RASA3: variants seen among roughly 807,000 people sequenced by gnomAD.
RASA3 encodes ras GTPase-activating protein 3.
A neutral mutation model predicts 110.0 loss-of-function variants in RASA3; 73 were observed. The observed-to-expected ratio is 0.66, with a 90% CI of 0.55 to 0.81. RASA3 has a LOEUF of 0.81. RASA3 is among the 30% of genes least tolerant of loss of function. RASA3 has a pLI of 0.00. For missense variants in RASA3, 976 were observed against 1,113.2 expected (o/e 0.88, Z 1.75); for synonymous variants, 500 against 451.4 (o/e 1.11, Z -1.37).
rs749593261 is a variant in RASA3 at position 113,979,333 on chromosome 13, G to A, written c.*14C>T. The A allele has an allele frequency of 2.5e-5, 39 of 1,572,008 alleles. No homozygotes were observed. The African/African-American group carries it at 3.9e-4, about 16-fold the overall frequency. ...GGGCAGCTTGCTGGCGCCACTGGGC[G>A]CGTCCCGCAGACTTTAAATGGAATG... On this transcript the variant is annotated 3_prime_UTR_variant, in exon 24 of 24. Coordinates refer to ENST00000334062, the MANE Select transcript of RASA3 (RefSeq NM_007368.4).
intron 8 of RASA3, among the ~76,000 whole-genome samples, chr13:114,023,404 C>A (rs1264931928): frequency 6.6e-6 from 1 of 152,200 alleles, no homozygotes; most frequent in African/African-American, 2.4e-5. Context: ...AGGAGGGAGC[C>A]GTTTCCTTCC....
chr13:114,076,438 C>T (rs929651218), intron 1 of RASA3, among the ~76,000 whole-genome samples: 3 of 152,062 alleles, frequency 2.0e-5, no homozygotes, highest in Admixed American at 1.3e-4. Context: ...TCGGTCATCC[C>T]ATGTCAGAAG....
At chr13:114,080,043 G>A (rs972309911) in intron 1 of RASA3, among the ~76,000 whole-genome samples, 2 of 152,218 alleles carry the variant, frequency 1.3e-5, no homozygotes, top group Admixed American at 6.5e-5. Flanking sequence ...GGCAGAACTC[G>A]GCGAGGCCGT....
chr13:114,127,369 C>T (rs865880996), intron 1 of RASA3, among the ~76,000 whole-genome samples: 1 of 152,210 alleles, frequency 6.6e-6, no homozygotes, highest in Non-Finnish European at 1.5e-5. Flanking sequence ...CACCTGAAGG[C>T]TGGATGGGTG....
At chr13:114,108,328 C>T (rs1178758457) in intron 1 of RASA3, among the ~76,000 whole-genome samples, 1 of 138,502 alleles carries the variant, frequency 7.2e-6, no homozygotes, top group Non-Finnish European at 1.6e-5. Flanking sequence ...ATCACCCCAT[C>T]TGTCACCCCA....
At chr13:114,063,023 G>C (rs1260199495) in intron 2 of RASA3, among the ~76,000 whole-genome samples, 2 of 152,236 alleles carry the variant, frequency 1.3e-5, no homozygotes, top group Admixed American at 1.3e-4. Context: ...GAAACTGGAG[G>C]ATTACAGGGC....
intron 3 of RASA3, among the ~76,000 whole-genome samples, chr13:114,050,081 C>T (rs1427910340): frequency 1.3e-5 from 2 of 152,234 alleles, no homozygotes; most frequent in African/African-American, 2.4e-5. Flanking sequence ...GCCCTGGAGC[C>T]GATGCCCTGG....
chr13:114,088,100 C>T (rs1333610800), intron 1 of RASA3, among the ~76,000 whole-genome samples: 11 of 150,068 alleles, frequency 7.3e-5, no homozygotes, highest in African/African-American at 2.2e-4. Flanking sequence ...CACTGCACTC[C>T]AGCCTGGATG....
At chr13:114,074,168 A>C (rs1325672182) in intron 1 of RASA3, among the ~76,000 whole-genome samples, 2 of 152,196 alleles carry the variant, frequency 1.3e-5, no homozygotes, top group Middle Eastern at 3.2e-3. Context: ...TCGCGTGCAC[A>C]GTTCTGTGGC....
intron 15 of RASA3, among the ~76,000 whole-genome samples, chr13:114,012,364 T>G (rs1050146159): frequency 7.4e-6 from 1 of 135,540 alleles, no homozygotes; most frequent in Admixed American, 7.3e-5. Context: ...GCACTCCCCA[T>G]TCCACACACC....
At chr13:114,054,235 T>G (rs1422617623) in intron 2 of RASA3, among the ~76,000 whole-genome samples, 2 of 152,174 alleles carry the variant, frequency 1.3e-5, no homozygotes, top group African/African-American at 4.8e-5. Context: ...TATAAAGAAC[T>G]CTTATGACTC....
intron 1 of RASA3, among the ~76,000 whole-genome samples, chr13:114,111,862 C>T (rs1013194616): frequency 2.0e-5 from 3 of 152,198 alleles, no homozygotes; most frequent in Admixed American, 6.5e-5. Flanking sequence ...GCAAAGACGG[C>T]GCTTCCAGAG....
chr13:114,002,838 A>G (rs2053435768), intron 18 of RASA3, among the ~76,000 whole-genome samples: 2 of 152,222 alleles, frequency 1.3e-5, no homozygotes, highest in African/African-American at 4.8e-5. Flanking sequence ...GCCACGGCTA[A>G]GCCGGAAGCC....
chr13:114,078,689 T>A (rs920785896), intron 1 of RASA3, among the ~76,000 whole-genome samples: 3 of 151,850 alleles, frequency 2.0e-5, no homozygotes, highest in African/African-American at 7.3e-5. Context: ...AGGCAGTGAG[T>A]AACAAAAACA....
At chr13:113,982,546 C>T (rs2052960384) in intron 22 of RASA3, among the ~76,000 whole-genome samples, 1 of 152,256 alleles carries the variant, frequency 6.6e-6, no homozygotes, top group African/African-American at 2.4e-5. Flanking sequence ...GGGCAGGGCC[C>T]TGTGCCACCT....
intron 4 of RASA3, among the ~76,000 whole-genome samples, chr13:114,030,447 G>GAGCAAGACTCACACAGGA (rs2054133019): frequency 1.1e-5 from 1 of 94,936 alleles, no homozygotes; most frequent in African/African-American, 4.3e-5. Context: ...CTCACACAGA[G>GAGCAAGACTCACACAGGA]GGCAAGGCTC....
intron 4 of RASA3, among the ~76,000 whole-genome samples, chr13:114,031,049 C>T (rs527537433): frequency 3.4e-5 from 5 of 149,128 alleles, no homozygotes; most frequent in Admixed American, 2.7e-4. Flanking sequence ...CTGTGTGTGG[C>T]TGTGTCCACC....
chr13:114,023,561 G>A (rs139339089), intron 8 of RASA3, among the ~76,000 whole-genome samples: 113 of 152,366 alleles, frequency 7.4e-4, no homozygotes, highest in African/African-American at 2.7e-3. Flanking sequence ...CTGGGAGGAG[G>A]GAACCCGCCG....
At chr13:114,050,040 C>T (rs1296092566) in intron 3 of RASA3, among the ~76,000 whole-genome samples, 5 of 152,182 alleles carry the variant, frequency 3.3e-5, no homozygotes, top group East Asian at 3.9e-4. Flanking sequence ...CGGCTGAGCC[C>T]GGAGGCAGGA....
Sources: gnomAD v4.1 joint callset for allele counts (sites outside exome capture counted in the v4.1 genomes callset) on GRCh38, gnomAD v4.1.1 for gene constraint, MANE v1.5 for transcripts, NCBI Gene and HGNC (gene_info 2026-07-23, HGNC 2026-07-21) for gene names.